Variants in KCNQ5 observed in about 807,000 individuals in gnomAD.
KCNQ5 encodes potassium voltage-gated channel subfamily KQT member 5.
A neutral mutation model predicts 98.2 loss-of-function variants in KCNQ5; 30 were observed. The ratio of observed to expected loss-of-function variants is 0.31; its 90% CI spans 0.23 to 0.41. KCNQ5 has a LOEUF of 0.41. KCNQ5 is among the 10% of genes least tolerant of loss of function. The pLI is 1.00. For synonymous variants in KCNQ5, 458 were observed against 449.4 expected (o/e 1.02, Z -0.24); for missense variants, 835 against 1,182.5 (o/e 0.71, Z 4.31).
intron 3 of KCNQ5, among the ~76,000 whole-genome samples, chr6:73,059,370 T>C (rs1772673574): frequency 6.6e-6 from 1 of 152,134 alleles, no homozygotes; most frequent in Admixed American, 6.5e-5. Flanking sequence ...TTGAGTTATA[T>C]GGTCACAAAC....
intron 11 of KCNQ5, among the ~76,000 whole-genome samples, chr6:73,180,404 T>C (rs1431871356): frequency 6.6e-6 from 1 of 152,222 alleles, no homozygotes; most frequent in Non-Finnish European, 1.5e-5. Context: ...AACTACTTCT[T>C]GCATGAAACT....
rs1765812616 is a variant in KCNQ5 at position 73,197,025 on chromosome 6, A to T, written c.*1611A>T. ...GAAGTTGTTTCCTTGGCAGACATAA[A>T]TGCTGCCTCCAGAAGTACTTCTCCA... On this transcript the variant is annotated 3_prime_UTR_variant, in exon 14 of 14. Transcript: ENST00000370398. 6.6e-6 allele frequency: 1 copy of T among 152,112 alleles called. No individual in the cohort carries two copies. Among genetic ancestry groups the T allele is most frequent in the Admixed American group, 6.5e-5 (1 of 15,268 alleles). 9.4% of individuals were successfully genotyped at this position (152,112 alleles called of 1,614,324 possible).
At chr6:72,854,756 G>A (rs538536272) in intron 1 of KCNQ5, among the ~76,000 whole-genome samples, 2 of 69,938 alleles carry the variant, frequency 2.9e-5, no homozygotes, top group East Asian at 6.3e-4. Context: ...ACACACCATG[G>A]TTTGTGTGTG....
Position 73,042,322 on chromosome 6 carries a change from C to T in KCNQ5, c.616+260C>T, listed in dbSNP as rs373936996. 9.5e-5 allele frequency: 46 copies of T among 483,054 alleles called. 1 individual carries two copies. Among genetic ancestry groups the T allele is most frequent in the South Asian group, 9.1e-4 (43 of 47,238 alleles). 29.9% of individuals were successfully genotyped at this position (483,054 alleles called of 1,614,324 possible). On this transcript the variant is annotated intron_variant, in intron 3 of 13. Coordinates refer to ENST00000370398, the MANE Select transcript of KCNQ5 (RefSeq NM_019842.4). The stretch of plus-strand genomic sequence containing the variant: ...ACGGAGTTAGTTGCTGAATGTCATA[C>T]AGCTACTAAGTGGTAGAGCTTGAAT...
intron 1 of KCNQ5, among the ~76,000 whole-genome samples, chr6:72,659,350 A>G (rs1442239600): frequency 6.6e-6 from 1 of 152,046 alleles, no homozygotes; most frequent in Non-Finnish European, 1.5e-5. Flanking sequence ...GCCACACCCA[A>G]CTCCATTTTT....
chr6:72,918,153 T>C (rs888956499), intron 1 of KCNQ5, among the ~76,000 whole-genome samples: 16 of 152,176 alleles, frequency 1.1e-4, no homozygotes, highest in Non-Finnish European at 1.0e-4. Flanking sequence ...CCTGTGTCAC[T>C]ATGCCCCATA....
intron 10 of KCNQ5, among the ~76,000 whole-genome samples, chr6:73,166,409 C>G (rs1777796139): frequency 1.3e-5 from 2 of 150,800 alleles, no homozygotes; most frequent in Admixed American, 6.6e-5. Flanking sequence ...GCACTTGAGC[C>G]TGGGTGACAG....
chr6:72,961,338 C>A (rs977471546), intron 1 of KCNQ5, among the ~76,000 whole-genome samples: 4 of 151,922 alleles, frequency 2.6e-5, no homozygotes, highest in Non-Finnish European at 5.9e-5. Flanking sequence ...GACTGGAGGC[C>A]GGGTGCGGTG....
At position 72,721,580 on chromosome 6, in the gene KCNQ5, G is replaced by A. The variant is rs575038001; in HGVS notation, c.398+98993G>A. On this transcript the variant is annotated intron_variant, in intron 1 of 13. Transcript: ENST00000370398. ...GATTGTTTAAAGAAGAAGATTCCTG[G>A]ACTCCACCACAGACTCATAAATACT... is the stretch of plus-strand genomic sequence containing the variant. Among the ~76,000 whole-genome samples, 7 of 152,112 alleles carry A rather than the reference G, an allele frequency of 4.6e-5. No homozygotes were observed. The East Asian group carries it at 9.7e-4, about 21-fold the overall frequency.
intron 7 of KCNQ5, among the ~76,000 whole-genome samples, chr6:73,115,626 C>T (rs1361438597): frequency 2.0e-5 from 3 of 152,158 alleles, no homozygotes; most frequent in Non-Finnish European, 4.4e-5. Flanking sequence ...ACAATACTTT[C>T]GAAATTATAG....
chr6:72,957,328 A>G (rs944804157), intron 1 of KCNQ5, among the ~76,000 whole-genome samples: 1 of 151,616 alleles, frequency 6.6e-6, no homozygotes, highest in Non-Finnish European at 1.5e-5. Flanking sequence ...GCACCACCAC[A>G]CTTGGCTAAT....
intron 2 of KCNQ5, among the ~76,000 whole-genome samples, chr6:73,036,155 G>A (rs995692312): frequency 5.9e-5 from 9 of 151,926 alleles, no homozygotes; most frequent in Non-Finnish European, 1.2e-4. Context: ...GGGAGGCCGA[G>A]GCAGGCAGAT....
chr6:72,732,952 A>G (rs563610783), intron 1 of KCNQ5, among the ~76,000 whole-genome samples: 2 of 152,290 alleles, frequency 1.3e-5, no homozygotes, highest in East Asian at 3.9e-4. Context: ...TCTGTCCTGG[A>G]CAACTATGTG....
chr6:72,807,937 T>C (rs993516035), intron 1 of KCNQ5, among the ~76,000 whole-genome samples: 2 of 152,136 alleles, frequency 1.3e-5, no homozygotes, highest in Non-Finnish European at 1.5e-5. Context: ...TAACTGGAAG[T>C]CCAGTATGGC....
At chr6:73,093,084 A>G (rs2185771) in intron 5 of KCNQ5, among the ~76,000 whole-genome samples, 151,163 of 152,268 alleles carry the variant, frequency 0.99, 75,044 homozygotes, top group Middle Eastern at 1. Context: ...CAATCTCATT[A>G]CTTGTTATTG....
chr6:73,078,700 T>C (rs193090764), intron 5 of KCNQ5, among the ~76,000 whole-genome samples: 5 of 152,330 alleles, frequency 3.3e-5, no homozygotes, highest in African/African-American at 1.2e-4. Flanking sequence ...TACATGTCCA[T>C]AGGCAAGAAT....
chr6:72,936,421 G>T lies in KCNQ5; in HGVS notation c.399-67487G>T, dbSNP rs532461582. Among the ~76,000 whole-genome samples, 11 of 152,200 alleles carry T rather than the reference G, an allele frequency of 7.2e-5. No homozygotes were observed. The South Asian group carries it at 2.3e-3, about 32-fold the overall frequency. On this transcript the variant is annotated intron_variant, in intron 1 of 13. Transcript: ENST00000370398. ...AGTCTCAGAGCACAATACGATGCCT[G>T]ATTCATAGCAAACACTCAGTAAATA...
At chr6:72,671,695 C>T (rs1767113849) in intron 1 of KCNQ5, among the ~76,000 whole-genome samples, 1 of 152,158 alleles carries the variant, frequency 6.6e-6, no homozygotes, top group Admixed American at 6.5e-5. Context: ...AACAGGCTTC[C>T]TTGCAACCTA....
chr6:73,171,126 A>ATTTT (rs1562218701), intron 11 of KCNQ5, among the ~76,000 whole-genome samples: 1 of 152,182 alleles, frequency 6.6e-6, no homozygotes, highest in Non-Finnish European at 1.5e-5. Flanking sequence ...AAAGATTTTC[A>ATTTT]TAAATGTTTG....
Sources: allele counts gnomAD v4.1 joint callset (sites outside exome capture counted in the v4.1 genomes callset), GRCh38; gene constraint gnomAD v4.1.1; transcripts MANE v1.5; gene names NCBI Gene and HGNC (gene_info 2026-07-23, HGNC 2026-07-21).